Variants in TOX observed in about 807,000 individuals in gnomAD.
The protein encoded by TOX is thymocyte selection-associated high mobility group box protein TOX.
In TOX, 11 loss-of-function variants were observed where a neutral mutation model predicts 53.7. The ratio of observed to expected loss-of-function variants is 0.20; its 90% CI spans 0.13 to 0.34. The LOEUF (loss-of-function observed/expected upper bound fraction) is 0.34. Ranked by LOEUF, TOX falls within the 10% of genes least tolerant of loss-of-function variation. The pLI, the probability that TOX is intolerant of heterozygous loss-of-function variation, is 1.00. For synonymous variants in TOX, 225 were observed against 245.3 expected (o/e 0.92, Z 0.77); for missense variants, 570 against 664.6 (o/e 0.86, Z 1.56).
chr8:59,093,316 A>G (rs557614239), intron 1 of TOX, among the ~76,000 whole-genome samples: 4 of 152,346 alleles, frequency 2.6e-5, no homozygotes, highest in South Asian at 4.1e-4. Context: ...CAGTGAATGC[A>G]TCTACAGAAC....
intron 4 of TOX, among the ~76,000 whole-genome samples, chr8:58,845,323 G>A (rs1231328073): frequency 6.6e-6 from 1 of 152,068 alleles, no homozygotes; most frequent in African/African-American, 2.4e-5. Flanking sequence ...ATCATATAAA[G>A]TAAATATTAT....
intron 1 of TOX, among the ~76,000 whole-genome samples, chr8:59,113,704 G>A (rs1018533539): frequency 6.6e-6 from 1 of 152,070 alleles, no homozygotes; most frequent in Non-Finnish European, 1.5e-5. Context: ...AAGCAAGGGT[G>A]GTCCCAGGAG....
intron 1 of TOX, among the ~76,000 whole-genome samples, chr8:59,108,342 G>C (rs879386234): frequency 2.0e-5 from 3 of 152,150 alleles, no homozygotes; most frequent in Non-Finnish European, 4.4e-5. Flanking sequence ...GTGCAGGGCT[G>C]AAAGCTAGAA....
At chr8:59,115,457 T>A (rs1195551538) in intron 1 of TOX, among the ~76,000 whole-genome samples, 2 of 152,230 alleles carry the variant, frequency 1.3e-5, no homozygotes, top group African/African-American at 4.8e-5. Context: ...CTGACATCTT[T>A]AACTAGAATA....
intron 3 of TOX, among the ~76,000 whole-genome samples, chr8:58,925,270 T>A (rs996509433): frequency 3.3e-5 from 5 of 152,224 alleles, no homozygotes. Context: ...AGTTACAGTA[T>A]AAAAATTGCA....
At chr8:58,832,021 G>A (rs1810462937) in intron 5 of TOX, among the ~76,000 whole-genome samples, 1 of 151,550 alleles carries the variant, frequency 6.6e-6, no homozygotes, top group Admixed American at 6.6e-5. Flanking sequence ...TGGTCTCTGA[G>A]CGTATGAATA....
At chr8:58,869,069 T>C (rs1563374862) in intron 3 of TOX, among the ~76,000 whole-genome samples, 2 of 151,664 alleles carry the variant, frequency 1.3e-5, no homozygotes, top group African/African-American at 2.4e-5. Flanking sequence ...TCTACTAAAA[T>C]ACAAAAAATT....
intron 1 of TOX, among the ~76,000 whole-genome samples, chr8:58,963,840 C>A (rs1392189812): frequency 6.6e-6 from 1 of 152,156 alleles, no homozygotes; most frequent in Admixed American, 6.5e-5. Flanking sequence ...ATCTTTAGTG[C>A]CTCTATGGCT....
At chr8:59,102,607 C>T (rs1047695152) in intron 1 of TOX, among the ~76,000 whole-genome samples, 1 of 152,130 alleles carries the variant, frequency 6.6e-6, no homozygotes, top group Non-Finnish European at 1.5e-5. Flanking sequence ...AGACCCACCC[C>T]CATGATTCAA....
chr8:58,996,307 G>A (rs1222505205), intron 1 of TOX, among the ~76,000 whole-genome samples: 2 of 152,174 alleles, frequency 1.3e-5, no homozygotes, highest in South Asian at 2.1e-4. Context: ...ACATGGCTGG[G>A]TCCAGATACA....
intron 3 of TOX, among the ~76,000 whole-genome samples, chr8:58,892,058 C>A (rs1467377878): frequency 6.6e-6 from 1 of 152,170 alleles, no homozygotes; most frequent in Non-Finnish European, 1.5e-5. Context: ...AAAAACTCTG[C>A]CATTCCTGGG....
At chr8:58,907,838 T>C (rs1307603507) in intron 3 of TOX, among the ~76,000 whole-genome samples, 1 of 152,222 alleles carries the variant, frequency 6.6e-6, no homozygotes, top group Non-Finnish European at 1.5e-5. Flanking sequence ...CAGTTTCTTG[T>C]ACAGAAAGCC....
At chr8:59,038,696 A>T (rs1803514898) in intron 1 of TOX, among the ~76,000 whole-genome samples, 1 of 152,182 alleles carries the variant, frequency 6.6e-6, no homozygotes, top group East Asian at 1.9e-4. Flanking sequence ...TCGCTAATTA[A>T]CAGGAACCCT....
At chr8:59,067,176 A>G (rs970935569) in intron 1 of TOX, among the ~76,000 whole-genome samples, 6 of 152,206 alleles carry the variant, frequency 3.9e-5, no homozygotes, top group African/African-American at 1.4e-4. Context: ...TTAAAAACAA[A>G]TTTCCTAGAA....
intron 1 of TOX, among the ~76,000 whole-genome samples, chr8:59,048,844 A>C (rs1803735609): frequency 6.6e-6 from 1 of 152,320 alleles, no homozygotes; most frequent in South Asian, 2.1e-4. Flanking sequence ...TCATCCATTA[A>C]AAGCAATTTG....
intron 1 of TOX, among the ~76,000 whole-genome samples, chr8:59,092,532 T>C (rs978320332): frequency 2.6e-5 from 4 of 151,274 alleles, no homozygotes; most frequent in African/African-American, 9.7e-5. Context: ...CTCACTTCTT[T>C]AATAAAATCT....
At chr8:58,895,265 T>C (rs995329624) in intron 3 of TOX, among the ~76,000 whole-genome samples, 1 of 152,216 alleles carries the variant, frequency 6.6e-6, no homozygotes. Flanking sequence ...TAAACTTTTT[T>C]CTATTTTTAA....
At chr8:59,002,572 C>G (rs1813712655) in intron 1 of TOX, among the ~76,000 whole-genome samples, 1 of 149,694 alleles carries the variant, frequency 6.7e-6, no homozygotes, top group African/African-American at 2.4e-5. Context: ...GCCTGGGCAA[C>G]ACAGCAAGAC....
At position 58,805,528 on chromosome 8, in the gene TOX, A is replaced by G. The variant is rs1357536670; in HGVS notation, c.*2219T>C. ...TCTACCCTGGTCGCACAGCTGCTCT[A>G]GAAAAGCTGTAAACAACACGGCACT... On this transcript the variant is annotated 3_prime_UTR_variant, in exon 9 of 9. Transcript: ENST00000361421. 6.5e-6 allele frequency: 1 copy of G among 152,676 alleles called. No individual in the cohort carries two copies. The highest frequency in any genetic ancestry group is 1.5e-5 in the Non-Finnish European group (1 of 68,058). 9.5% of individuals were successfully genotyped at this position (152,676 alleles called of 1,614,324 possible).
Sources: allele counts gnomAD v4.1 joint callset (sites outside exome capture counted in the v4.1 genomes callset), GRCh38; gene constraint gnomAD v4.1.1; transcripts MANE v1.5; gene names NCBI Gene and HGNC (gene_info 2026-07-23, HGNC 2026-07-21).